The following HSPG2 variants were observed in gnomAD, a reference collection of about 807,000 sequenced individuals.
HSPG2 encodes the protein basement membrane-specific heparan sulfate proteoglycan core protein.
A neutral mutation model predicts 526.6 loss-of-function variants in HSPG2; 278 were observed. The ratio of observed to expected loss-of-function variants is 0.53; its 90% CI spans 0.48 to 0.58. The LOEUF (loss-of-function observed/expected upper bound fraction) is 0.58. Ranked by LOEUF, HSPG2 falls within the 20% of genes least tolerant of loss-of-function variation. The probability of loss-of-function intolerance (pLI) is 0.00; values close to 1 mark genes in which losing one functional copy is unlikely to be tolerated. For synonymous variants in HSPG2, 2,465 were observed against 2,555.4 expected (o/e 0.96, Z 1.07); for missense variants, 5,354 against 6,099.5 (o/e 0.88, Z 4.07).
rs970856044 is a variant in HSPG2 at position 21,874,639 on chromosome 1, C to T, written c.3505G>A (p.Glu1169Lys). ...CSCHGHSEAC[E>K]PETGACQGCQ... ...ACCTGGCAGGCACCTGTTTCTGGCT[C>T]GCAGGCCTCTGAGTGGCCATGGCAG... Residue 1169 changes from glutamate (E) to lysine (K), a missense_variant, in exon 27 of 97, where the codon GAG (glutamate) becomes AAG (lysine). By Grantham distance (56) the Glu-to-Lys change is moderately conservative. Coordinates refer to ENST00000374695, the MANE Select transcript of HSPG2 (RefSeq NM_005529.7). 4.3e-5 allele frequency: 70 copies of T among 1,613,618 alleles called. No individual in the cohort carries two copies. Among genetic ancestry groups the T allele is most frequent in the South Asian group, 5.5e-5 (5 of 90,992 alleles).
At chr1:21,857,898 T>C (rs1277892628) in intron 42 of HSPG2, among the ~76,000 whole-genome samples, 1 of 152,080 alleles carries the variant, frequency 6.6e-6, no homozygotes, top group Non-Finnish European at 1.5e-5. Context: ...ACAGGCCCCT[T>C]CTCCTGCCCT....
chr1:21,866,992 C>T (rs1169775591), intron 33 of HSPG2, among the ~76,000 whole-genome samples: 1 of 152,060 alleles, frequency 6.6e-6, no homozygotes, highest in Non-Finnish European at 1.5e-5. Context: ...AAGTTCACAG[C>T]CATTTCTGGG....
chr1:21,919,772 G>A (rs1183988197), intron 1 of HSPG2, among the ~76,000 whole-genome samples: 2 of 152,212 alleles, frequency 1.3e-5, no homozygotes, highest in African/African-American at 4.8e-5. Flanking sequence ...TGAGGCCCGG[G>A]CTGCTAGTGC....
chr1:21,859,840 T>A lies in HSPG2; in HGVS notation c.5177A>T (p.His1726Leu). The A allele has an allele frequency of 6.2e-7, 1 of 1,611,414 alleles. No individual in the cohort carries two copies. The highest frequency in any genetic ancestry group is 2.2e-5 in the East Asian group (1 of 44,840). The change falls in exon 41 of 97, where the codon CAT (histidine) becomes CTT (leucine). Residue 1726 changes from histidine to leucine, a missense_variant. Coordinates refer to ENST00000374695, the MANE Select transcript of HSPG2 (RefSeq NM_005529.7). This position sits in a 1 kb window ranked among gnomAD's most constrained non-coding sequence, Gnocchi z 5.3. The part of the protein sequence containing the change: ...RPVPSGTQQR[H>L]QGSELHFPSV... ...GAGCCTAGGGCCATGGGTACCTTGATGTCGCTGCTGGGTGCCGCTGGGCAC... is the reference window on the plus strand; with the variant it reads ...GAGCCTAGGGCCATGGGTACCTTGAAGTCGCTGCTGGGTGCCGCTGGGCAC...
rs778532871 is a variant in HSPG2, at chr1:21,849,990, T to C, written c.7446+51A>G. Reference sequence around the variant, plus strand: ...ACTGCGCCCGGTCAAGCCTATGCTCTTGTACTGCAGCTACAGGGTCCTTCA... The same window carrying C: ...ACTGCGCCCGGTCAAGCCTATGCTCCTGTACTGCAGCTACAGGGTCCTTCA... On this transcript the variant is annotated intron_variant, in intron 57 of 96. Transcript: ENST00000374695. The C allele has an allele frequency of 1.9e-6, 3 of 1,609,432 alleles. No individual in the cohort carries two copies. The Admixed American group carries it at 5.0e-5, about 27-fold the overall frequency.
At position 21,847,661 on chromosome 1, in the gene HSPG2, C is replaced by T. The variant is rs765364760; in HGVS notation, c.8025+28G>A. The T allele has an allele frequency of 1.9e-6, 3 of 1,600,902 alleles. No homozygotes were observed. The South Asian group carries it at 3.3e-5, about 18-fold the overall frequency. ...CTCACCCCAGGAGACCATGGTTCCA[C>T]CCCCGCTGCTGTGGCTCCACTCTGT... On this transcript the variant is annotated intron_variant, in intron 61 of 96. Transcript: ENST00000374695. The surrounding 1 kb of genome is among the most constrained non-coding windows in gnomAD (Gnocchi z 4.1).
intron 13 of HSPG2, 62 bp from the exon 14 acceptor site, chr1:21,881,564 G>T: frequency 7.1e-6 from 10 of 1,400,260 alleles, no homozygotes; most frequent in Non-Finnish European, 9.0e-6. Flanking sequence ...CACCCATCTT[G>T]AGGGGCAGCA....
chr1:21,889,687 T>G lies in HSPG2; in HGVS notation c.574+294A>C, dbSNP rs200338632. On this transcript the variant is annotated intron_variant, in intron 6 of 96. Transcript: ENST00000374695. The stretch of plus-strand genomic sequence containing the variant: ...ACAGTTGCTCATTATTATTAAGTAC[T>G]AATGTGTTTTGGACTTGGAAGTACA... The G allele has an allele frequency of 1.4e-5, 6 of 436,936 alleles. No homozygotes were observed. In the East Asian group the frequency reaches 2.5e-4, roughly 18 times the overall value. The allele number at this position is 436,936 out of a possible 1,614,324, so 27.1% of individuals were successfully genotyped here.
Position 21,839,836 on chromosome 1 carries a change from C to T in HSPG2, c.9695G>A (p.Arg3232His), listed in dbSNP as rs758945882. Residue 3232 changes from arginine to histidine, a missense_variant, in exon 72 of 97, where the codon CGC becomes CAC. Coordinates refer to ENST00000374695, the MANE Select transcript of HSPG2 (RefSeq NM_005529.7). The surrounding 1 kb of genome is among the most constrained non-coding windows in gnomAD (Gnocchi z 4.5). ...CTTGGTCACACCTGTGGCTGAGCAGCGCAAGGTGGCCGTGTGTCCAGCCTC... is the reference window on the plus strand; with the variant it reads ...CTTGGTCACACCTGTGGCTGAGCAGTGCAAGGTGGCCGTGTGTCCAGCCTC... ...TVEAGHTATL[R>H]CSATGSPAPT... The T allele has an allele frequency of 3.6e-5, 58 of 1,613,648 alleles. No individual in the cohort carries two copies. The Middle Eastern group carries it at 1.2e-3, about 34-fold the overall frequency.
At chr1:21,930,700 G>A (rs1235341064) in intron 1 of HSPG2, among the ~76,000 whole-genome samples, 1 of 151,970 alleles carries the variant, frequency 6.6e-6, no homozygotes, top group East Asian at 1.9e-4. Context: ...CTTGAACCTG[G>A]GGGGCAGAGA....
chr1:21,845,176 G>A (rs1638330250), intron 64 of HSPG2, among the ~76,000 whole-genome samples: 1 of 152,152 alleles, frequency 6.6e-6, no homozygotes, highest in Non-Finnish European at 1.5e-5. Flanking sequence ...AACCCCAGAG[G>A]TGGAGATTGC....
At chr1:21,927,250 G>C (rs562661612) in intron 1 of HSPG2, among the ~76,000 whole-genome samples, 1 of 151,966 alleles carries the variant, frequency 6.6e-6, no homozygotes, top group Non-Finnish European at 1.5e-5. Flanking sequence ...AAACACCTAG[G>C]TGTGACCCGC....
rs1410431857 is a variant in HSPG2 at position 21,831,479 on chromosome 1, C to T, written c.11436G>A (p.Leu3812=). Reference sequence around the variant, plus strand: ...GGGGCTCACCTATGAAGCCGCTGCTCAGCCCCGCCTTGGGGATGGCACCAT... The same window carrying T: ...GGGGCTCACCTATGAAGCCGCTGCTTAGCCCCGCCTTGGGGATGGCACCAT... ...PDYGAIPKAG[L]SSGFIGCVRE... The change falls in exon 83 of 97, where the codon CTG becomes CTA. Residue 3812 remains leucine (L), a synonymous_variant. Coordinates refer to ENST00000374695, the MANE Select transcript of HSPG2 (RefSeq NM_005529.7). 3.1e-6 allele frequency: 5 copies of T among 1,614,064 alleles called. No individual in the cohort carries two copies. Among genetic ancestry groups the T allele is most frequent in the Non-Finnish European group, 4.2e-6 (5 of 1,179,948 alleles).
intron 1 of HSPG2, among the ~76,000 whole-genome samples, chr1:21,924,138 C>T (rs894460186): frequency 6.6e-6 from 1 of 152,178 alleles, no homozygotes; most frequent in African/African-American, 2.4e-5. Context: ...GCTTCCCTAG[C>T]CCAGAGCCTG....
intron 1 of HSPG2, among the ~76,000 whole-genome samples, chr1:21,927,628 A>G (rs1485568703): frequency 1.3e-5 from 2 of 152,036 alleles, no homozygotes; most frequent in East Asian, 3.9e-4. Flanking sequence ...GAGCCCACCA[A>G]CTGCACACAT....
chr1:21,880,811 G>C lies in HSPG2; in HGVS notation c.1843C>G (p.Arg615Gly). Residue 615 changes from arginine to glycine, a missense_variant, in exon 15 of 97, where the codon CGT becomes GGT. By Grantham distance (125) the Arg-to-Gly change is moderately radical. Coordinates refer to ENST00000374695, the MANE Select transcript of HSPG2 (RefSeq NM_005529.7). ...NKVDSYGGSL[R>G]YNVRYELARG... ...GCCAACTCGTAGCGCACGTTGTAAC[G>C]CAGGGAGCCGCCATAGGAGTCCACC... 1 of 1,592,460 alleles carries C rather than the reference G, an allele frequency of 6.3e-7. No homozygotes were observed. The highest frequency in any genetic ancestry group is 1.7e-5 in the Admixed American group (1 of 57,202).
In HSPG2 at chr1:21,874,677, C is replaced by G. The variant is rs1468411601; in HGVS notation, c.3467G>C (p.Cys1156Ser). Residue 1156 changes from cysteine (C) to serine (S), a missense_variant, in exon 27 of 97, where the codon TGT (cysteine) becomes TCT (serine). Transcript: ENST00000374695. ...RTPSGLYLGT[C>S]ERCSCHGHSE... is the part of the protein sequence containing the mutation. ...GTGGCCATGGCAGCTGCAGCGTTCA[C>G]AGGTACCCAGGTAGAGGCCACTGGG... 1 of 1,611,466 alleles carries G rather than the reference C, an allele frequency of 6.2e-7. No homozygotes were observed. The highest frequency in any genetic ancestry group is 8.5e-7 in the Non-Finnish European group (1 of 1,178,884).
intron 13 of HSPG2, 45 bp downstream of exon 13, chr1:21,884,483 A>ACCCACCT (rs1190032822): frequency 6.2e-7 from 1 of 1,609,424 alleles, no homozygotes; most frequent in Non-Finnish European, 8.5e-7. Context: ...GTACAGAGGT[A>ACCCACCT]CCCACCTCCC....
At position 21,888,699 on chromosome 1, in the gene HSPG2, C is replaced by CG. The variant is rs780157181; in HGVS notation, c.575-634dup. Reference sequence around the variant, plus strand: ...TCACTGCGACCGCCACAGCGGCCGGCGGGGGTGGGGGGGTCTGTGCTGGAA... The same window carrying CG: ...TCACTGCGACCGCCACAGCGGCCGGCGGGGGGTGGGGGGGTCTGTGCTGGAA... On this transcript the variant is annotated intron_variant, in intron 6 of 96. Coordinates refer to ENST00000374695, the MANE Select transcript of HSPG2 (RefSeq NM_005529.7). 53 of 1,364,694 alleles carry CG rather than the reference C, an allele frequency of 3.9e-5. No homozygotes were observed. The Admixed American group carries it at 8.4e-4, about 22-fold the overall frequency. The allele number at this position is 1,364,694 out of a possible 1,614,324, so 84.5% of individuals were successfully genotyped here.
Sources: gnomAD v4.1 joint callset for allele counts (sites outside exome capture counted in the v4.1 genomes callset) on GRCh38, gnomAD v4.1.1 for gene constraint, Gnocchi (gnomAD v3.1) non-coding constraint, MANE v1.5 for transcripts, NCBI Gene and HGNC (gene_info 2026-07-23, HGNC 2026-07-21) for gene names.